NRCAM: variants seen among roughly 807,000 people sequenced by gnomAD.
The protein encoded by NRCAM is NgCAM-related cell adhesion molecule.
Under a neutral mutation model 156.5 loss-of-function variants are expected in NRCAM, and 83 were observed. The ratio of observed to expected loss-of-function variants is 0.53; its 90% CI spans 0.44 to 0.64. NRCAM has a LOEUF of 0.64. Among genes scored for constraint, NRCAM ranks in the 30% least tolerant of loss-of-function variants. The pLI is 0.00. For missense variants in NRCAM, 1,417 were observed against 1,597.3 expected, an observed-to-expected ratio of 0.89 and a Z score of 1.92; for synonymous variants, 538 against 563.9, an observed-to-expected ratio of 0.95 and a Z score of 0.65.
rs555889614 is a variant in NRCAM at position 108,427,772 on chromosome 7, CAAAAGT to C, written c.-331-28185_-331-28180del. On this transcript the variant is annotated intron_variant, in intron 1 of 32. Transcript: ENST00000379028. The stretch of plus-strand genomic sequence containing the variant: ...TGTCTAGAAATTATTGGCTGGCAAA[CAAAAGT>C]GATTGTTTTAAAAGTAAACAGCAAA... Among the ~76,000 whole-genome samples, 653 of 152,190 alleles carry C rather than the reference CAAAAGT, an allele frequency of 4.3e-3. 3 individuals carry two copies. The highest frequency in any genetic ancestry group is 6.9e-3 in the Non-Finnish European group (467 of 68,008).
At chr7:108,230,699 T>C (rs372861531) in intron 8 of NRCAM, among the ~76,000 whole-genome samples, 1 of 151,548 alleles carries the variant, frequency 6.6e-6, no homozygotes, top group African/African-American at 2.4e-5. Context: ...CTCTCTCATT[T>C]CCTTAGGTCT....
chr7:108,247,608 T>TA (rs2096040914), intron 3 of NRCAM, among the ~76,000 whole-genome samples: 1 of 141,606 alleles, frequency 7.1e-6, no homozygotes, highest in Non-Finnish European at 1.5e-5. Context: ...TTGTTTATGC[T>TA]AAATTATTTT....
At chr7:108,297,483 T>C (rs1245473518) in intron 3 of NRCAM, among the ~76,000 whole-genome samples, 1 of 152,230 alleles carries the variant, frequency 6.6e-6, no homozygotes, top group Non-Finnish European at 1.5e-5. Flanking sequence ...GACAAAGGGA[T>C]GAAACTTTCA....
chr7:108,199,425 T>A (rs2076802912), intron 13 of NRCAM, among the ~76,000 whole-genome samples: 1 of 152,204 alleles, frequency 6.6e-6, no homozygotes, highest in Non-Finnish European at 1.5e-5. Context: ...AACACAAATT[T>A]ACTGTCATAC....
intron 1 of NRCAM, among the ~76,000 whole-genome samples, chr7:108,419,694 C>T (rs1806623062): frequency 6.6e-6 from 1 of 152,234 alleles, no homozygotes; most frequent in Admixed American, 6.5e-5. Flanking sequence ...CGTGTCCACA[C>T]ACAAAATTCC....
At chr7:108,353,378 G>A (rs143504976) in intron 2 of NRCAM, among the ~76,000 whole-genome samples, 7 of 150,322 alleles carry the variant, frequency 4.7e-5, no homozygotes, top group African/African-American at 1.7e-4. Context: ...TTTGAGACAG[G>A]GTCTCACTCT....
At chr7:108,264,267 C>A (rs890370883) in intron 3 of NRCAM, among the ~76,000 whole-genome samples, 3 of 152,186 alleles carry the variant, frequency 2.0e-5, no homozygotes, top group Admixed American at 6.5e-5. Context: ...TTAGCCTCTG[C>A]GCCTGGTCTG....
chr7:108,310,442 G>C (rs2098787354), intron 3 of NRCAM, among the ~76,000 whole-genome samples: 1 of 152,138 alleles, frequency 6.6e-6, no homozygotes, highest in Non-Finnish European at 1.5e-5. Flanking sequence ...TTTTATGTGT[G>C]ACACTGGATA....
At chr7:108,150,851 G>C in intron 32 of NRCAM, 1 of 413,434 alleles carries the variant, frequency 2.4e-6, no homozygotes, top group African/African-American at 2.1e-5. Flanking sequence ...TATTAATCTG[G>C]AAAGAGACGC....
At chr7:108,196,371 GAGAT>G (rs2075099301) in intron 14 of NRCAM, among the ~76,000 whole-genome samples, 1 of 152,182 alleles carries the variant, frequency 6.6e-6, no homozygotes. Flanking sequence ...CACAGCCAAA[GAGAT>G]AGTCAACAAA....
rs34273772 is a variant in NRCAM at position 108,447,259 on chromosome 7, CTTTTTTTTTT to C, written c.-332+8974_-332+8983del. 1.3e-4 allele frequency among the ~76,000 whole-genome samples: 11 copies of C among 84,240 alleles called. No homozygotes were observed. The South Asian group carries it at 1.9e-3, about 15-fold the overall frequency. The allele number at this position is 84,240 out of a possible 152,430, so 55.3% of individuals were successfully genotyped here. On this transcript the variant is annotated intron_variant, in intron 1 of 32. Transcript: ENST00000379028. ...ATGGGTTTGCCAAGTTCACTTCTTTCTTTTTTTTTTTTTTTTTTTTTTTTTAGACAGCGTC... is the reference window on the plus strand; with the variant it reads ...ATGGGTTTGCCAAGTTCACTTCTTTCTTTTTTTTTTTTTTTAGACAGCGTC...
intron 4 of NRCAM, among the ~76,000 whole-genome samples, chr7:108,238,235 T>C (rs2095266422): frequency 6.6e-6 from 1 of 152,216 alleles, no homozygotes; most frequent in Admixed American, 6.5e-5. Context: ...TAATGCTCCA[T>C]GCAAGCCAAG....
chr7:108,415,738 C>T (rs1314515957), intron 1 of NRCAM, among the ~76,000 whole-genome samples: 2 of 152,076 alleles, frequency 1.3e-5, no homozygotes, highest in African/African-American at 2.4e-5. Context: ...AAAAATTAGC[C>T]GGGCATGGTG....
chr7:108,209,229 G>A (rs2082769026), intron 12 of NRCAM, among the ~76,000 whole-genome samples, 192 bp downstream of exon 12: 1 of 152,110 alleles, frequency 6.6e-6, no homozygotes, highest in Non-Finnish European at 1.5e-5. Flanking sequence ...TCTTTTGTGA[G>A]GAAGATTTGA....
At chr7:108,383,825 G>C (rs1021070298) in intron 2 of NRCAM, among the ~76,000 whole-genome samples, 1 of 152,098 alleles carries the variant, frequency 6.6e-6, no homozygotes, top group Non-Finnish European at 1.5e-5. Context: ...GTGTGTGCTT[G>C]GTTTTTTTCT....
chr7:108,168,446 C>T (rs765598841), intron 28 of NRCAM, 44 bp from the exon 29 acceptor site: 3 of 1,498,558 alleles, frequency 2.0e-6, no homozygotes, highest in Non-Finnish European at 2.7e-6. Context: ...CATATTGCAA[C>T]ACCATACACA....
intron 31 of NRCAM, among the ~76,000 whole-genome samples, chr7:108,159,947 A>G (rs1039545237): frequency 6.6e-6 from 1 of 152,140 alleles, no homozygotes; most frequent in South Asian, 2.1e-4. Flanking sequence ...GGGCCCACTA[A>G]ATTGAATAAA....
rs1054885592 is a variant in NRCAM, at chr7:108,416,668, T to C, written c.-331-17075A>G. 5.1e-4 allele frequency among the ~76,000 whole-genome samples: 77 copies of C among 152,226 alleles called. 1 individual carries two copies. Among genetic ancestry groups the C allele is most frequent in the Non-Finnish European group, 2.2e-4 (15 of 68,032 alleles). On this transcript the variant is annotated intron_variant, in intron 1 of 32. Transcript: ENST00000379028. ...GTTTTTATAGTATGCTTTTCAAGATTTGAATTTCATGTCTGTATAGTTGAA... is the reference window on the plus strand; with the variant it reads ...GTTTTTATAGTATGCTTTTCAAGATCTGAATTTCATGTCTGTATAGTTGAA...
chr7:108,181,628 T>A (rs534744937), intron 24 of NRCAM, among the ~76,000 whole-genome samples, 194 bp downstream of exon 24: 90 of 151,668 alleles, frequency 5.9e-4, no homozygotes, highest in African/African-American at 2.0e-3. Context: ...TTTTTTTTTT[T>A]AATTTTGGAT....
Sources: allele counts gnomAD v4.1 joint callset (sites outside exome capture counted in the v4.1 genomes callset), GRCh38; gene constraint gnomAD v4.1.1; transcripts MANE v1.5; gene names NCBI Gene and HGNC (gene_info 2026-07-23, HGNC 2026-07-21).